STK32C: variants seen among roughly 807,000 people sequenced by gnomAD.
STK32C encodes serine/threonine kinase 32C, also known as serine/threonine-protein kinase 32C.
STK32C carries 31 observed loss-of-function variants against 56.5 expected under a neutral mutation model. The ratio of observed to expected loss-of-function variants is 0.55; its 90% CI spans 0.41 to 0.74. The LOEUF is 0.74. STK32C is among the 30% of genes least tolerant of loss of function. STK32C has a pLI of 0.00. For missense variants in STK32C, 544 were observed against 676.9 expected (o/e 0.80, Z 2.18); for synonymous variants, 309 against 289.4 (o/e 1.07, Z -0.69).
chr10:132,308,571 G>A (rs1267379560), upstream of STK32C, among the ~76,000 whole-genome samples: 1 of 151,648 alleles, frequency 6.6e-6, no homozygotes, highest in Non-Finnish European at 1.5e-5. Context: ...GCGCCAGAGG[G>A]TGGGGTGGGG....
At chr10:132,244,218 T>C (rs1165705187) in intron 2 of STK32C, among the ~76,000 whole-genome samples, 1 of 152,096 alleles carries the variant, frequency 6.6e-6, no homozygotes, top group African/African-American at 2.4e-5. Flanking sequence ...GGCCTAACTG[T>C]GAGCCGGAAG....
chr10:132,267,542 G>C (rs1190420074), intron 1 of STK32C, among the ~76,000 whole-genome samples: 1 of 131,108 alleles, frequency 7.6e-6, no homozygotes, highest in South Asian at 2.5e-4. Context: ...TGCATGTTCA[G>C]CTCTATGCCT....
chr10:132,222,540 G>A, intron 10 of STK32C, 101 bp downstream of exon 10: 1 of 1,437,340 alleles, frequency 7.0e-7, no homozygotes, highest in Non-Finnish European at 9.3e-7. Context: ...GGACTTCCGA[G>A]ACGTGTGCGC....
At chr10:132,274,832 G>A (rs1017236203) in intron 1 of STK32C, among the ~76,000 whole-genome samples, 4 of 152,224 alleles carry the variant, frequency 2.6e-5, no homozygotes, top group East Asian at 1.9e-4. Flanking sequence ...GCCAGCAGGC[G>A]CCTCCTCACC....
rs2062150568 is a variant in STK32C, at chr10:132,207,973, AAGC to A, written c.*34_*36del. 7.7e-7 allele frequency: 1 copy of A among 1,291,620 alleles called. No homozygotes were observed. Among genetic ancestry groups the A allele is most frequent in the Non-Finnish European group, 9.9e-7 (1 of 1,013,416 alleles). The allele number at this position is 1,291,620 out of a possible 1,614,324, so 80.0% of individuals were successfully genotyped here. ...CCTCCCTCTGGCAGCCGAGTCTCCA[AAGC>A]AGCTCAAGGGGTGAGGACCACGGGC... On this transcript the variant is annotated 3_prime_UTR_variant, in exon 12 of 12. Transcript: ENST00000298630.
chr10:132,307,543 C>G lies in STK32C; in HGVS notation c.262+29G>C. On this transcript the variant is annotated intron_variant, in intron 1 of 11. Transcript: ENST00000298630. The surrounding 1 kb of genome is among the most constrained non-coding windows in gnomAD (Gnocchi z 4.4). ...GCCCGCCCCTGCAATAGCGCGCGGC[C>G]CCCACGTCGTCCCCGTGCCCGCACT... The G allele has an allele frequency of 1.3e-6, 2 of 1,538,350 alleles. No homozygotes were observed. Among genetic ancestry groups the G allele is most frequent in the Non-Finnish European group, 1.7e-6 (2 of 1,144,884 alleles).
chr10:132,218,567 T>C (rs2062539203), intron 10 of STK32C, among the ~76,000 whole-genome samples: 1 of 152,148 alleles, frequency 6.6e-6, no homozygotes. Context: ...GGTAAATATA[T>C]GGAGAAATTA....
intron 11 of STK32C, 36 bp downstream of exon 11, chr10:132,208,998 T>C: frequency 6.2e-7 from 1 of 1,601,724 alleles, no homozygotes; most frequent in Non-Finnish European, 8.5e-7. Context: ...TTTCCTCCTC[T>C]CTGCCACCAC....
At chr10:132,253,696 TGAGGGAGCC>T (rs1236480744) in intron 1 of STK32C, among the ~76,000 whole-genome samples, 1 of 151,634 alleles carries the variant, frequency 6.6e-6, no homozygotes, top group East Asian at 1.9e-4. Context: ...CTGAGGGAGC[TGAGGGAGCC>T]GCCCCTCCAC....
chr10:132,262,467 C>G (rs760978149), intron 1 of STK32C, among the ~76,000 whole-genome samples: 1 of 152,096 alleles, frequency 6.6e-6, no homozygotes, highest in Admixed American at 6.5e-5. Context: ...AGCTTCTGCA[C>G]GGCAAGAGAA....
intron 1 of STK32C, among the ~76,000 whole-genome samples, chr10:132,259,545 C>A (rs1444446485): frequency 1.3e-5 from 2 of 152,118 alleles, no homozygotes; most frequent in African/African-American, 2.4e-5. Context: ...CTCATGAGAT[C>A]TGGGCGTCTG....
In STK32C at chr10:132,226,909, TC is replaced by T; in HGVS notation, c.529del (p.Asp177ThrfsTer17). Reference sequence around the variant, plus strand: ...GTTCTGCTGCAGGTGGTAGCGCAGGTCCCCGCCCAGTAGCAGGTCCACGACC... The same window carrying T: ...GTTCTGCTGCAGGTGGTAGCGCAGGTCCCGCCCAGTAGCAGGTCCACGACC... The part of the protein sequence containing the change: ...FMVVDLLLGG[D>X]LRYHLQQNVQ... On this transcript the variant is annotated frameshift_variant, in exon 4 of 12. Coordinates refer to ENST00000298630, the MANE Select transcript of STK32C (RefSeq NM_173575.4). LOFTEE classifies it high-confidence loss of function. 6.2e-7 allele frequency: 1 copy of T among 1,613,378 alleles called. No homozygotes were observed. Among genetic ancestry groups the T allele is most frequent in the Non-Finnish European group, 8.5e-7 (1 of 1,180,016 alleles).
chr10:132,277,837 G>A (rs11146307), intron 1 of STK32C, among the ~76,000 whole-genome samples: 31,934 of 151,698 alleles, frequency 0.21, 4,148 homozygotes, highest in Non-Finnish European at 0.31. Flanking sequence ...CTCACCCGGG[G>A]CCCGACACAC....
Position 132,331,818 on chromosome 10 carries a change from C to T in STK32C, c.-82G>A, listed in dbSNP as rs756324779. The T allele has an allele frequency of 3.1e-5, 48 of 1,550,994 alleles. No homozygotes were observed. In the Admixed American group the frequency reaches 8.5e-4, roughly 28 times the overall value. On this transcript the variant is annotated 5_prime_UTR_variant, in exon 1 of 2. Coordinates refer to the STK32C transcript ENST00000368619. ...TCTCTACTTGCCCGTCGACCACCAC[C>T]CCTTCAAGGCCGCGGGCGCGGAAAA... is the stretch of plus-strand genomic sequence containing the variant.
chr10:132,211,695 C>G (rs570852600), intron 10 of STK32C, among the ~76,000 whole-genome samples: 12 of 152,322 alleles, frequency 7.9e-5, no homozygotes, highest in African/African-American at 2.6e-4. Context: ...TTTGCCAGCA[C>G]ACACACAGTC....
At chr10:132,245,185 C>T (rs1031356292) in intron 2 of STK32C, among the ~76,000 whole-genome samples, 3 of 152,202 alleles carry the variant, frequency 2.0e-5, no homozygotes, top group Admixed American at 1.3e-4. Context: ...AGTGTCCAGG[C>T]AGCTGTACAG....
chr10:132,227,104 G>T, intron 3 of STK32C, 136 bp from the exon 4 acceptor site: 1 of 1,033,076 alleles, frequency 9.7e-7, no homozygotes, highest in Non-Finnish European at 1.4e-6. Context: ...AGGAGGAGGG[G>T]CCTGCCCAAG....
At chr10:132,319,061 G>T (rs907100022), downstream of STK32C, among the ~76,000 whole-genome samples, 2 of 152,148 alleles carry the variant, frequency 1.3e-5, no homozygotes, top group African/African-American at 4.8e-5. Context: ...CAATTCTCCT[G>T]CCTCAGCCTC....
At chr10:132,272,440 T>A (rs1351500390) in intron 1 of STK32C, among the ~76,000 whole-genome samples, 3 of 152,120 alleles carry the variant, frequency 2.0e-5, no homozygotes, top group Non-Finnish European at 1.5e-5. Flanking sequence ...ACAACCCAAA[T>A]CTAACGTGCC....
Sources: allele counts gnomAD v4.1 joint callset (sites outside exome capture counted in the v4.1 genomes callset), GRCh38; gene constraint gnomAD v4.1.1; non-coding constraint Gnocchi (gnomAD v3.1); transcripts MANE v1.5; gene names NCBI Gene and HGNC (gene_info 2026-07-23, HGNC 2026-07-21).